Variants in FNIP1 observed in about 807,000 individuals in gnomAD.
FNIP1 encodes the protein folliculin interacting protein 1.
A neutral mutation model predicts 124.5 loss-of-function variants in FNIP1; 40 were observed. The observed-to-expected ratio is 0.32, with a 90% CI of 0.25 to 0.42. FNIP1 has a LOEUF of 0.42. FNIP1 is among the 10% of genes least tolerant of loss of function. The pLI is 1.00. For synonymous variants in FNIP1, 472 were observed against 470.6 expected (o/e 1.00, Z -0.04); for missense variants, 1,176 against 1,403.7 (o/e 0.84, Z 2.59).
intron 1 of FNIP1, among the ~76,000 whole-genome samples, chr5:131,772,858 T>C (rs189945144): frequency 7.9e-4 from 121 of 152,350 alleles, no homozygotes; most frequent in Admixed American, 3.0e-3. Context: ...CTCTGTCCCA[T>C]TTTTCTGTCA....
chr5:131,654,820 A>T (rs987136942), intron 15 of FNIP1, among the ~76,000 whole-genome samples: 7 of 152,242 alleles, frequency 4.6e-5, no homozygotes, highest in Admixed American at 3.9e-4. Context: ...GTGAGAAATG[A>T]TATTGAGAAA....
chr5:131,796,602 G>C (rs1159112032), intron 1 of FNIP1: 1 of 560,390 alleles, frequency 1.8e-6, no homozygotes, highest in African/African-American at 2.0e-5. Context: ...CAAACCGACG[G>C]GAGGAGGGGG....
intron 2 of FNIP1, among the ~76,000 whole-genome samples, chr5:131,733,435 T>C (rs969281865): frequency 1.6e-4 from 24 of 152,340 alleles, no homozygotes; most frequent in African/African-American, 5.8e-4. Flanking sequence ...TTCCAGTTTT[T>C]GTCCATTCAG....
intron 16 of FNIP1, among the ~76,000 whole-genome samples, chr5:131,647,648 C>T (rs1021831113): frequency 2.0e-5 from 3 of 151,864 alleles, no homozygotes; most frequent in African/African-American, 7.3e-5. Flanking sequence ...AATTTCTTTT[C>T]TATTTTTAAT....
intron 15 of FNIP1, among the ~76,000 whole-genome samples, chr5:131,658,130 T>C (rs985151902): frequency 1.3e-5 from 2 of 150,708 alleles, no homozygotes; most frequent in African/African-American, 4.9e-5. Context: ...GACAACTCGA[T>C]AGAGACGAGT....
intron 15 of FNIP1, among the ~76,000 whole-genome samples, chr5:131,652,513 C>A (rs537824146): frequency 6.6e-6 from 1 of 152,282 alleles, no homozygotes; most frequent in South Asian, 2.1e-4. Flanking sequence ...CGCCACCACG[C>A]CTGACTAATT....
chr5:131,709,344 T>G, intron 7 of FNIP1, 72 bp from the exon 8 acceptor site: 1 of 1,301,338 alleles, frequency 7.7e-7, no homozygotes, highest in Non-Finnish European at 1.1e-6. Context: ...TCCTTTTAAA[T>G]AGCAAACGAA....
chr5:131,691,326 T>C (rs544731648), intron 11 of FNIP1, among the ~76,000 whole-genome samples: 1 of 152,264 alleles, frequency 6.6e-6, no homozygotes, highest in South Asian at 2.1e-4. Flanking sequence ...TCAATACTTG[T>C]GAATGCAGCA....
At chr5:131,752,855 G>C (rs1770925221) in intron 1 of FNIP1, among the ~76,000 whole-genome samples, 1 of 152,130 alleles carries the variant, frequency 6.6e-6, no homozygotes, top group Non-Finnish European at 1.5e-5. Context: ...GTCACCTGAG[G>C]TCAAGAGTTC....
intron 12 of FNIP1, among the ~76,000 whole-genome samples, chr5:131,678,827 T>TG (rs1227716927): frequency 6.6e-6 from 1 of 152,204 alleles, no homozygotes; most frequent in Non-Finnish European, 1.5e-5. Context: ...AATTACATAA[T>TG]TACAGACATT....
At chr5:131,677,932 TGTAGTGAAAAA>T (rs1389488817) in intron 12 of FNIP1, 60 bp from the exon 13 acceptor site, 1 of 1,551,860 alleles carries the variant, frequency 6.4e-7, no homozygotes, top group Non-Finnish European at 8.7e-7. Context: ...TTAGGTAAAA[TGTAGTGAAAAA>T]GTAAGCAAGG....
At chr5:131,674,717 C>CAAGA (rs1419033452) in intron 13 of FNIP1, among the ~76,000 whole-genome samples, 2 of 150,844 alleles carry the variant, frequency 1.3e-5, no homozygotes, top group African/African-American at 4.9e-5. Flanking sequence ...GACCCTGTCT[C>CAAGA]AAGAAAGAAA....
At chr5:131,678,886 T>C (rs531573100) in intron 12 of FNIP1, 143 bp downstream of exon 12, 3 of 599,994 alleles carry the variant, frequency 5.0e-6, no homozygotes, top group Non-Finnish European at 8.5e-6. Flanking sequence ...CCATACCCTA[T>C]CATTTAATTA....
intron 1 of FNIP1, among the ~76,000 whole-genome samples, chr5:131,752,231 G>T (rs564025737): frequency 6.6e-6 from 1 of 152,178 alleles, no homozygotes; most frequent in South Asian, 2.1e-4. Flanking sequence ...TTTTAGTAGA[G>T]ACAGGGTTTC....
At chr5:131,726,121 T>C (rs949929068) in intron 3 of FNIP1, among the ~76,000 whole-genome samples, 12 of 152,226 alleles carry the variant, frequency 7.9e-5, no homozygotes, top group Non-Finnish European at 1.2e-4. Context: ...GATTTTCCCA[T>C]TGATGTTCAT....
chr5:131,729,398 T>C (rs1236393496), intron 3 of FNIP1, among the ~76,000 whole-genome samples: 1 of 152,178 alleles, frequency 6.6e-6, no homozygotes, highest in South Asian at 2.1e-4. Context: ...AGGAGGAATC[T>C]AGAGAGACAG....
chr5:131,668,848 A>AT (rs1205156927), intron 15 of FNIP1, among the ~76,000 whole-genome samples: 3 of 152,240 alleles, frequency 2.0e-5, no homozygotes, highest in African/African-American at 7.2e-5. Flanking sequence ...CTTCATCTAT[A>AT]AAAAGCAGGA....
chr5:131,783,088 A>C (rs576141110), intron 1 of FNIP1, among the ~76,000 whole-genome samples: 1 of 152,352 alleles, frequency 6.6e-6, no homozygotes, highest in African/African-American at 2.4e-5. Flanking sequence ...GAAACCAAAA[A>C]ATTTGTGTAG....
chr5:131,658,997 A>C (rs1226621676), intron 15 of FNIP1, among the ~76,000 whole-genome samples: 1 of 151,310 alleles, frequency 6.6e-6, no homozygotes, highest in Non-Finnish European at 1.5e-5. Context: ...TTTCTGCACA[A>C]GTTAGGTTTT....
Sources: allele counts gnomAD v4.1 joint callset (sites outside exome capture counted in the v4.1 genomes callset), GRCh38; gene constraint gnomAD v4.1.1; transcripts MANE v1.5; gene names NCBI Gene and HGNC (gene_info 2026-07-23, HGNC 2026-07-21).